The following AFAP1L1 variants were observed in gnomAD, a reference collection of about 807,000 sequenced individuals.
AFAP1L1 encodes actin filament-associated protein 1-like 1.
Under a neutral mutation model 99.8 loss-of-function variants are expected in AFAP1L1, and 77 were observed. That is an observed-to-expected ratio of 0.77 (90% CI 0.64 to 0.93). The LOEUF (loss-of-function observed/expected upper bound fraction) is 0.93, where lower values mean the gene tolerates loss of function less well. Ranked by LOEUF, AFAP1L1 falls within the 40% of genes least tolerant of loss-of-function variation. The pLI, the probability that AFAP1L1 is intolerant of heterozygous loss-of-function variation, is 0.00. For missense variants in AFAP1L1, 893 were observed against 996.8 expected (o/e 0.90, Z 1.40); for synonymous variants, 373 against 395.3 (o/e 0.94, Z 0.67).
At chr5:149,338,370 G>C (rs1757466533) in intron 18 of AFAP1L1, among the ~76,000 whole-genome samples, 1 of 152,206 alleles carries the variant, frequency 6.6e-6, no homozygotes, top group Admixed American at 6.5e-5. Flanking sequence ...GCTGAGGTGG[G>C]AGGATCACTT....
At chr5:149,310,710 C>G (rs1284939680) in intron 8 of AFAP1L1, among the ~76,000 whole-genome samples, 2 of 152,202 alleles carry the variant, frequency 1.3e-5, no homozygotes, top group Non-Finnish European at 2.9e-5. Context: ...AACTAAGACA[C>G]AGCTTTGAGA....
At chr5:149,283,843 A>C (rs1422535200) in intron 1 of AFAP1L1, among the ~76,000 whole-genome samples, 1 of 152,192 alleles carries the variant, frequency 6.6e-6, no homozygotes, top group Admixed American at 6.5e-5. Flanking sequence ...GAAGCCAGAG[A>C]GCCTGATGGC....
At position 149,291,838 on chromosome 5, in the gene AFAP1L1, G is replaced by T. The variant is rs187140903; in HGVS notation, c.17-7671G>T. 2.3e-3 allele frequency among the ~76,000 whole-genome samples: 343 copies of T among 152,274 alleles called. 5 individuals carry two copies. Among genetic ancestry groups the T allele is most frequent in the Admixed American group, 2.2e-3 (34 of 15,310 alleles). On this transcript the variant is annotated intron_variant, in intron 1 of 18. Coordinates refer to ENST00000296721, the MANE Select transcript of AFAP1L1 (RefSeq NM_152406.4). ...GATGGAAATTGGGTCATTTTCCTTT[G>T]CATAAGAAAGGAAATTTGAGTAAAT...
intron 1 of AFAP1L1, among the ~76,000 whole-genome samples, chr5:149,282,286 A>G (rs1180192490): frequency 1.3e-5 from 2 of 152,336 alleles, no homozygotes; most frequent in Non-Finnish European, 1.5e-5. Context: ...AAGAACCTAG[A>G]GGAAAACTGA....
intron 16 of AFAP1L1, among the ~76,000 whole-genome samples, chr5:149,332,072 A>C (rs894370422): frequency 6.6e-6 from 1 of 152,188 alleles, no homozygotes; most frequent in African/African-American, 2.4e-5. Flanking sequence ...TGGAACTAGA[A>C]GTAGAGTCAG....
chr5:149,286,233 A>T (rs1755675397), intron 1 of AFAP1L1, among the ~76,000 whole-genome samples: 1 of 152,112 alleles, frequency 6.6e-6, no homozygotes. Context: ...GGATCCTCAC[A>T]ACAGCCCTGT....
chr5:149,272,545 C>A (rs1242185033), intron 1 of AFAP1L1, among the ~76,000 whole-genome samples: 1 of 152,202 alleles, frequency 6.6e-6, no homozygotes, highest in Non-Finnish European at 1.5e-5. Context: ...TCTGGACCAG[C>A]GACAAAGTTG....
At chr5:149,336,574 T>A (rs1757414233) in intron 18 of AFAP1L1, among the ~76,000 whole-genome samples, 2 of 152,230 alleles carry the variant, frequency 1.3e-5, no homozygotes. Context: ...GGCAAGGGCC[T>A]TCTTGCTGAT....
rs60097014 is a variant in AFAP1L1 at position 149,274,884 on chromosome 5, CAAAAAA to C, written c.16+2913_16+2918del. On this transcript the variant is annotated intron_variant, in intron 1 of 18. Transcript: ENST00000296721. The stretch of plus-strand genomic sequence containing the variant: ...TGGGCGACACAGCAAGATTCTGTCT[CAAAAAA>C]AAAAAAAAAAAAGTATTCCAGCAGA... Among the ~76,000 whole-genome samples the C allele has an allele frequency of 2.4e-5, 3 of 123,530 alleles. No homozygotes were observed. In the Admixed American group the frequency reaches 2.5e-4, roughly 10 times the overall value. 81.0% of individuals were successfully genotyped at this position (123,530 alleles called of 152,430 possible). A position where few individuals can be genotyped will look rare whatever the true frequency, so the allele number is the denominator to read the frequency against.
intron 17 of AFAP1L1, among the ~76,000 whole-genome samples, chr5:149,334,843 A>G (rs1757357182): frequency 6.6e-6 from 1 of 151,990 alleles, no homozygotes. Context: ...TGGAAGGTGG[A>G]CCTCCAGCCT....
intron 3 of AFAP1L1, 98 bp from the exon 4 acceptor site, chr5:149,301,035 C>A: frequency 3.1e-6 from 3 of 983,120 alleles, no homozygotes; most frequent in South Asian, 1.5e-5. Flanking sequence ...GGAGCCCGAC[C>A]TCACACTCAG....
intron 1 of AFAP1L1, among the ~76,000 whole-genome samples, chr5:149,290,168 G>A (rs953466927): frequency 6.6e-6 from 1 of 152,232 alleles, no homozygotes; most frequent in Non-Finnish European, 1.5e-5. Context: ...GGGAGGCAGA[G>A]GTTGCAGTGA....
At chr5:149,331,217 G>C (rs1757246795) in intron 16 of AFAP1L1, among the ~76,000 whole-genome samples, 1 of 152,078 alleles carries the variant, frequency 6.6e-6, no homozygotes, top group Non-Finnish European at 1.5e-5. Flanking sequence ...CAGGAGGCCT[G>C]TTTGAGTGCA....
At chr5:149,300,823 T>G (rs533716580) in intron 3 of AFAP1L1, among the ~76,000 whole-genome samples, 1 of 152,326 alleles carries the variant, frequency 6.6e-6, no homozygotes, top group African/African-American at 2.4e-5. Flanking sequence ...TGAGAGAGTT[T>G]TGGGGACTCA....
chr5:149,333,241 A>G (rs1182814554), intron 17 of AFAP1L1, among the ~76,000 whole-genome samples: 1 of 152,238 alleles, frequency 6.6e-6, no homozygotes, highest in Non-Finnish European at 1.5e-5. Flanking sequence ...ATCTCACACA[A>G]TCTTCATGGC....
intron 1 of AFAP1L1, among the ~76,000 whole-genome samples, chr5:149,289,131 T>C (rs577239724): frequency 7.9e-5 from 12 of 152,336 alleles, no homozygotes; most frequent in Admixed American, 6.5e-5. Context: ...AAGATGATTC[T>C]GAGGGGGTTA....
rs960093339 is a variant in AFAP1L1, at chr5:149,316,377, C to A, written c.1267+74C>A. The A allele has an allele frequency of 3.5e-5, 54 of 1,535,824 alleles. 1 individual carries two copies. In the South Asian group the frequency reaches 6.3e-4, roughly 18 times the overall value. On this transcript the variant is annotated intron_variant, in intron 11 of 18. Coordinates refer to ENST00000296721, the MANE Select transcript of AFAP1L1 (RefSeq NM_152406.4). ...GGCTTTGGGGGCTGAGGCCAGGAGA[C>A]CTCATGCCTCGTCCACCTCACCCCC...
chr5:149,277,720 C>T (rs949578595), intron 1 of AFAP1L1, among the ~76,000 whole-genome samples: 1 of 152,196 alleles, frequency 6.6e-6, no homozygotes, highest in Admixed American at 6.5e-5. Context: ...TGAGTTTTGA[C>T]TGCAACTTTT....
chr5:149,296,950 C>T (rs1009330179), intron 1 of AFAP1L1, among the ~76,000 whole-genome samples: 2 of 151,996 alleles, frequency 1.3e-5, no homozygotes, highest in African/African-American at 4.8e-5. Context: ...CTTATAAAAC[C>T]ATCAGGTCTC....
Sources: allele counts gnomAD v4.1 joint callset (sites outside exome capture counted in the v4.1 genomes callset), GRCh38; gene constraint gnomAD v4.1.1; transcripts MANE v1.5; gene names NCBI Gene and HGNC (gene_info 2026-07-23, HGNC 2026-07-21).